MYZAP: variants seen among roughly 807,000 people sequenced by gnomAD.
MYZAP encodes the protein myocardial zonula adherens protein.
Under a neutral mutation model 69.4 loss-of-function variants are expected in MYZAP, and 66 were observed. The ratio of observed to expected loss-of-function variants is 0.95; its 90% CI spans 0.78 to 1.17. The LOEUF is 1.17. Among genes scored for constraint, MYZAP ranks in the 50% most tolerant of loss-of-function variants. The pLI is 0.00. For synonymous variants in MYZAP, 256 were observed against 205.9 expected, an observed-to-expected ratio of 1.24 and a Z score of -2.09; for missense variants, 611 against 556.2, an observed-to-expected ratio of 1.10 and a Z score of -0.99.
At chr15:57,603,838 A>G (rs1239662174) in intron 1 of MYZAP, among the ~76,000 whole-genome samples, 1 of 152,250 alleles carries the variant, frequency 6.6e-6, no homozygotes, top group East Asian at 1.9e-4. Context: ...TTAAACATGT[A>G]CATGTATATT....
At position 57,648,527 on chromosome 15, in the gene MYZAP, G is replaced by A. The variant is rs552413756; in HGVS notation, c.1119+8982G>A. The A allele has an allele frequency of 1.4e-4, 138 of 971,518 alleles. No individual in the cohort carries two copies. In the African/African-American group the frequency reaches 1.6e-3, roughly 11 times the overall value. 60.2% of individuals were successfully genotyped at this position (971,518 alleles called of 1,614,324 possible). On this transcript the variant is annotated intron_variant, in intron 10 of 12. Coordinates refer to ENST00000267853, the MANE Select transcript of MYZAP (RefSeq NM_001018100.5). ...CAATCATCTCTGGAAGGTATTATTC[G>A]CCCAGTTTTTTAAGCATGGGAAACT... is the stretch of plus-strand genomic sequence containing the variant.
intron 10 of MYZAP, among the ~76,000 whole-genome samples, chr15:57,643,303 C>T (rs1389472613): frequency 6.6e-6 from 1 of 152,220 alleles, no homozygotes; most frequent in Non-Finnish European, 1.5e-5. Flanking sequence ...GCCGTGCTGG[C>T]ACGGATCTTA....
intron 2 of MYZAP, among the ~76,000 whole-genome samples, chr15:57,607,855 G>A (rs1450721811): frequency 1.3e-5 from 2 of 152,146 alleles, no homozygotes; most frequent in Non-Finnish European, 2.9e-5. Context: ...ACCATGTCCT[G>A]GCCAGGTTCC....
intron 10 of MYZAP, among the ~76,000 whole-genome samples, chr15:57,639,987 C>G (rs1027512817): frequency 2.0e-5 from 3 of 152,056 alleles, no homozygotes; most frequent in Non-Finnish European, 4.4e-5. Context: ...CTTTCATTCC[C>G]TTTCCTTGTC....
chr15:57,677,404 A>G (rs1437744949), intron 12 of MYZAP, among the ~76,000 whole-genome samples: 2 of 152,234 alleles, frequency 1.3e-5, no homozygotes, highest in Non-Finnish European at 2.9e-5. Flanking sequence ...AGAGAGATCA[A>G]GTGATTCACT....
chr15:57,659,172 G>T (rs2038154490), intron 10 of MYZAP, among the ~76,000 whole-genome samples: 1 of 152,000 alleles, frequency 6.6e-6, no homozygotes, highest in African/African-American at 2.4e-5. Flanking sequence ...TGTTCAGAAT[G>T]TTCCATCCTT....
At chr15:57,612,504 A>G (rs1397823359) in intron 2 of MYZAP, among the ~76,000 whole-genome samples, 1 of 152,152 alleles carries the variant, frequency 6.6e-6, no homozygotes, top group African/African-American at 2.4e-5. Flanking sequence ...TTTCCCTTCA[A>G]AATGTATTTA....
At chr15:57,635,275 G>A (rs1280023621) in intron 8 of MYZAP, among the ~76,000 whole-genome samples, 3 of 152,196 alleles carry the variant, frequency 2.0e-5, no homozygotes, top group Admixed American at 2.0e-4. Flanking sequence ...TCCACGCCAA[G>A]TGCTAAGCAT....
At chr15:57,638,856 C>T (rs977200465) in intron 9 of MYZAP, among the ~76,000 whole-genome samples, 1 of 152,140 alleles carries the variant, frequency 6.6e-6, no homozygotes, top group Non-Finnish European at 1.5e-5. Flanking sequence ...CCCCTTCTTC[C>T]CCGTCCTCCC....
At chr15:57,638,675 G>A (rs1403357481) in intron 9 of MYZAP, among the ~76,000 whole-genome samples, 2 of 152,190 alleles carry the variant, frequency 1.3e-5, no homozygotes, top group Non-Finnish European at 2.9e-5. Context: ...TTGTGCTGTT[G>A]TAAAACAAAA....
chr15:57,637,327 G>C (rs1477727759), intron 8 of MYZAP, among the ~76,000 whole-genome samples: 4 of 152,168 alleles, frequency 2.6e-5, no homozygotes, highest in Non-Finnish European at 4.4e-5. Context: ...GAATCCCAGA[G>C]CCTCTTTTCT....
intron 11 of MYZAP, among the ~76,000 whole-genome samples, chr15:57,669,508 C>T (rs2038769531): frequency 6.6e-6 from 1 of 152,096 alleles, no homozygotes; most frequent in African/African-American, 2.4e-5. Context: ...CTCTGTGTCT[C>T]TGTCTCTCTT....
At chr15:57,616,143 A>G (rs1438884193) in intron 2 of MYZAP, among the ~76,000 whole-genome samples, 2 of 152,250 alleles carry the variant, frequency 1.3e-5, no homozygotes, top group Non-Finnish European at 2.9e-5. Context: ...ATCATAAAGT[A>G]CTTAAAGTAC....
chr15:57,604,403 C>T (rs1430400302), intron 2 of MYZAP, 48 bp downstream of exon 2: 3 of 1,601,954 alleles, frequency 1.9e-6, no homozygotes, highest in Admixed American at 3.3e-5. Flanking sequence ...GCCTCTATAC[C>T]CTTAACCCAC....
At chr15:57,672,628 T>C (rs1240840302) in intron 11 of MYZAP, among the ~76,000 whole-genome samples, 1 of 152,226 alleles carries the variant, frequency 6.6e-6, no homozygotes, top group Non-Finnish European at 1.5e-5. Context: ...AGCCAGGTGA[T>C]TAAAATAAAT....
chr15:57,654,256 G>T (rs112139238), intron 10 of MYZAP, among the ~76,000 whole-genome samples: 43 of 152,108 alleles, frequency 2.8e-4, no homozygotes, highest in Admixed American at 5.9e-4. Flanking sequence ...TCAAGTTTTA[G>T]TGTGACATCT....
chr15:57,625,168 G>C (rs1307767265), intron 4 of MYZAP, among the ~76,000 whole-genome samples: 1 of 151,764 alleles, frequency 6.6e-6, no homozygotes, highest in African/African-American at 2.4e-5. Context: ...CAGCCTCCGG[G>C]GTTCAAGCGA....
At chr15:57,618,542 G>A (rs372098278) in intron 3 of MYZAP, among the ~76,000 whole-genome samples, 24 of 152,212 alleles carry the variant, frequency 1.6e-4, no homozygotes, top group African/African-American at 5.8e-4. Context: ...GAAGACTGTG[G>A]GTGATTCAGA....
At chr15:57,592,518 A>T (rs371617677) in intron 1 of MYZAP, among the ~76,000 whole-genome samples, 14 of 152,192 alleles carry the variant, frequency 9.2e-5, no homozygotes, top group African/African-American at 3.4e-4. Context: ...ACTTGTGTCC[A>T]CTAGTGATAG....
Sources: allele counts gnomAD v4.1 joint callset (sites outside exome capture counted in the v4.1 genomes callset), GRCh38; gene constraint gnomAD v4.1.1; transcripts MANE v1.5; gene names NCBI Gene and HGNC (gene_info 2026-07-23, HGNC 2026-07-21).